Variants in DMXL2 observed in about 807,000 individuals in gnomAD.
DMXL2 encodes the protein dmX-like protein 2.
DMXL2 carries 103 observed loss-of-function variants against 331.1 expected under a neutral mutation model. That is an observed-to-expected ratio of 0.31 (90% CI 0.27 to 0.37). DMXL2 has a LOEUF of 0.37. DMXL2 is among the 10% of genes least tolerant of loss of function. DMXL2 has a pLI of 1.00. For synonymous variants in DMXL2, 1,281 were observed against 1,252.1 expected (o/e 1.02, Z -0.49); for missense variants, 3,171 against 3,642.9 (o/e 0.87, Z 3.33).
At chr15:51,550,882 T>G (rs1233150583) in intron 6 of DMXL2, among the ~76,000 whole-genome samples, 1 of 152,112 alleles carries the variant, frequency 6.6e-6, no homozygotes, top group Non-Finnish European at 1.5e-5. Context: ...TAAGAAAAAT[T>G]TAATTTACCA....
chr15:51,474,068 A>AT (rs1052565745), intron 28 of DMXL2, among the ~76,000 whole-genome samples: 1 of 149,558 alleles, frequency 6.7e-6, no homozygotes, highest in Non-Finnish European at 1.5e-5. Context: ...GTTCCTTAAC[A>AT]TTTTTTCTGT....
chr15:51,594,134 T>G (rs2052607297), intron 1 of DMXL2, among the ~76,000 whole-genome samples: 1 of 151,976 alleles, frequency 6.6e-6, no homozygotes, highest in Non-Finnish European at 1.5e-5. Flanking sequence ...AGAAGCTGGT[T>G]TTTTGAAAAG....
chr15:51,615,853 A>G (rs1232615967), intron 1 of DMXL2, among the ~76,000 whole-genome samples: 1 of 152,238 alleles, frequency 6.6e-6, no homozygotes, highest in East Asian at 1.9e-4. Flanking sequence ...AACTACAGCT[A>G]ACGGATGAGC....
At position 51,448,234 on chromosome 15, in the gene DMXL2, A is replaced by G. The variant is rs948438025; in HGVS notation, c.*750T>C. The stretch of plus-strand genomic sequence containing the variant: ...GTTTAACCTTGAATACACGAAAAGA[A>G]AAAGTACTAAACTGGACTAAGAAGG... On this transcript the variant is annotated 3_prime_UTR_variant, in exon 44 of 44. Transcript: ENST00000560891. 3.3e-5 allele frequency: 5 copies of G among 152,678 alleles called. No homozygotes were observed. Among genetic ancestry groups the G allele is most frequent in the African/African-American group, 1.2e-4 (5 of 41,462 alleles). 9.5% of individuals were successfully genotyped at this position (152,678 alleles called of 1,614,324 possible).
In DMXL2 at chr15:51,451,717, A is replaced by G. The variant is rs769781977; in HGVS notation, c.8697-20T>C. On this transcript the variant is annotated intron_variant, in intron 41 of 43. Transcript: ENST00000560891. ...ACATTTCTTTTAAAGAAACACAATA[A>G]CAAAAATACATCATAAATGATTGTT... The G allele has an allele frequency of 6.0e-5, 95 of 1,593,290 alleles. No homozygotes were observed. Among genetic ancestry groups the G allele is most frequent in the Non-Finnish European group, 7.9e-5 (92 of 1,163,096 alleles).
At chr15:51,537,424 C>T (rs2048347010) in intron 11 of DMXL2, 64 bp downstream of exon 11, 1 of 1,465,972 alleles carries the variant, frequency 6.8e-7, no homozygotes, top group African/African-American at 1.4e-5. Context: ...GCTAACTCTA[C>T]AAAGCATTTA....
chr15:51,596,492 C>G (rs140448032), intron 1 of DMXL2, among the ~76,000 whole-genome samples: 1 of 152,204 alleles, frequency 6.6e-6, no homozygotes. Flanking sequence ...ACTAGTTCGA[C>G]CATTGTGGAA....
chr15:51,528,827 T>C (rs2047833905), intron 13 of DMXL2, among the ~76,000 whole-genome samples: 1 of 151,526 alleles, frequency 6.6e-6, no homozygotes, highest in African/African-American at 2.4e-5. Flanking sequence ...CCTCAGCACA[T>C]GGATCATTCT....
intron 14 of DMXL2, 58 bp from the exon 15 acceptor site, chr15:51,514,617 TC>T: frequency 9.6e-7 from 1 of 1,039,104 alleles, no homozygotes; most frequent in Non-Finnish European, 1.5e-6. Flanking sequence ...GTCTCCCATC[TC>T]CCATCTGTCA....
chr15:51,480,617 G>A lies in DMXL2; in HGVS notation c.6489C>T (p.Ser2163=), dbSNP rs2140364949. 3 of 1,599,274 alleles carry A rather than the reference G, an allele frequency of 1.9e-6. No homozygotes were observed. The highest frequency in any genetic ancestry group is 2.6e-6 in the Non-Finnish European group (3 of 1,170,108). The change falls in exon 24 of 44, where the codon AGC becomes AGT. Residue 2163 remains serine, a synonymous_variant. Transcript: ENST00000560891. The stretch of plus-strand genomic sequence containing the variant: ...AACCACCACCTTGGGCCCCATGAAG[G>A]CTACAGTAGCTGAGAAATACTCTCA... The part of the protein sequence containing the change: ...DLLRVFLSYC[S]LHGAQGGGLA...
At chr15:51,502,507 C>G (rs2043740182) in intron 17 of DMXL2, among the ~76,000 whole-genome samples, 1 of 151,992 alleles carries the variant, frequency 6.6e-6, no homozygotes. Context: ...ATTTTTAGTA[C>G]AGACATGGTT....
chr15:51,609,113 G>A (rs1349628320), intron 1 of DMXL2, among the ~76,000 whole-genome samples: 1 of 152,060 alleles, frequency 6.6e-6, no homozygotes, highest in Non-Finnish European at 1.5e-5. Flanking sequence ...AATGCATCCT[G>A]TAATTTCTAG....
intron 40 of DMXL2, among the ~76,000 whole-genome samples, chr15:51,454,621 C>T (rs529391651): frequency 2.6e-5 from 4 of 152,140 alleles, no homozygotes; most frequent in African/African-American, 4.8e-5. Context: ...CTCAGCCTCC[C>T]GAGTAGCTGG....
At chr15:51,608,199 G>A (rs936166595) in intron 1 of DMXL2, among the ~76,000 whole-genome samples, 2 of 151,356 alleles carry the variant, frequency 1.3e-5, no homozygotes, top group Non-Finnish European at 2.9e-5. Context: ...AAAAAAGAAT[G>A]AAACAAAATA....
At chr15:51,556,067 G>C (rs568695881) in intron 6 of DMXL2, among the ~76,000 whole-genome samples, 7 of 152,030 alleles carry the variant, frequency 4.6e-5, no homozygotes, top group Non-Finnish European at 7.4e-5. Context: ...GATCAGGCCG[G>C]GCGCGGTGGC....
Position 51,488,610 on chromosome 15 carries a change from G to C in DMXL2, c.4989C>G (p.Ala1663=). 6.2e-7 allele frequency: 1 copy of C among 1,612,640 alleles called. No homozygotes were observed. Residue 1663 remains alanine (A), a synonymous_variant, in exon 21 of 44, where the codon GCC becomes GCG. Transcript: ENST00000560891. The part of the protein sequence containing the change: ...AKASFQRNND[A]LDAALFYLSM... ...AAAGGTAGAATAGTGCAGCATCTAA[G>C]GCATCATTGTTCCTTTGAAAAGAAG... is the stretch of plus-strand genomic sequence containing the variant.
At chr15:51,544,366 G>A (rs1453918780) in intron 8 of DMXL2, among the ~76,000 whole-genome samples, 8 of 152,100 alleles carry the variant, frequency 5.3e-5, no homozygotes, top group African/African-American at 7.2e-5. Flanking sequence ...GTGATGTGCC[G>A]GCTCCTGCTT....
intron 1 of DMXL2, among the ~76,000 whole-genome samples, chr15:51,601,454 G>T (rs2053226385): frequency 1.3e-5 from 2 of 152,036 alleles, no homozygotes; most frequent in Non-Finnish European, 2.9e-5. Context: ...TATGTATGGG[G>T]TGAGATAGGG....
chr15:51,601,682 G>C (rs1171593310), intron 1 of DMXL2, among the ~76,000 whole-genome samples: 2 of 152,166 alleles, frequency 1.3e-5, no homozygotes, highest in Non-Finnish European at 2.9e-5. Flanking sequence ...TGAGCTGGTA[G>C]AAGTCTTCTT....
Sources: gnomAD v4.1 joint callset for allele counts (sites outside exome capture counted in the v4.1 genomes callset) on GRCh38, gnomAD v4.1.1 for gene constraint, MANE v1.5 for transcripts, NCBI Gene and HGNC (gene_info 2026-07-23, HGNC 2026-07-21) for gene names.